RPUSD3: variants seen among roughly 807,000 people sequenced by gnomAD.
The protein encoded by RPUSD3 is mitochondrial mRNA pseudouridine synthase RPUSD3.
Under a neutral mutation model 35.1 loss-of-function variants are expected in RPUSD3, and 36 were observed. The observed-to-expected ratio is 1.02, with a 90% confidence interval of 0.79 to 1.35. The LOEUF is 1.35. RPUSD3 is among the 40% of genes most tolerant of loss of function. RPUSD3 has a pLI of 0.00. For missense variants in RPUSD3, 486 were observed against 441.9 expected, an observed-to-expected ratio of 1.10 and a Z score of -0.89; for synonymous variants, 202 against 187.8, an observed-to-expected ratio of 1.08 and a Z score of -0.62.
At chr3:9,839,425 G>A (rs1575428135) in intron 7 of RPUSD3, 3 of 383,788 alleles carry the variant, frequency 7.8e-6, no homozygotes, top group East Asian at 5.0e-5. Flanking sequence ...TGAAGCCACC[G>A]GGCCTAAGGA....
intron 8 of RPUSD3, among the ~76,000 whole-genome samples, 164 bp from the exon 9 acceptor site, chr3:9,838,371 C>T (rs1256626688): frequency 2.6e-5 from 4 of 152,200 alleles, no homozygotes; most frequent in Admixed American, 1.3e-4. Flanking sequence ...TTCACACAGG[C>T]ACTCACACTG....
Position 9,839,018 on chromosome 3 carries a change from G to T in RPUSD3, c.864+14C>A. 1 of 1,614,058 alleles carries T rather than the reference G, an allele frequency of 6.2e-7. No homozygotes were observed. The highest frequency in any genetic ancestry group is 8.5e-7 in the Non-Finnish European group (1 of 1,179,940). On this transcript the variant is annotated intron_variant, in intron 8 of 8. Transcript: ENST00000383820. ...CCACCCCTCAGAAAGCAGCAGGCAG[G>T]TGGGCTGGAGTACCTGTCTTTGGGG...
exon 8 of RPUSD3, chr3:9,839,113 G>T: frequency 6.2e-7 from 1 of 1,614,182 alleles, no homozygotes; most frequent in Non-Finnish European, 8.5e-7. Context: ...AGTACATGTG[G>T]TCCCCAAGCA....
chr3:9,837,921 T>G (rs1011807084), exon 9 of RPUSD3: 4 of 1,341,786 alleles, frequency 3.0e-6, no homozygotes, highest in Non-Finnish European at 4.0e-6. Context: ...AGCAAGCAAG[T>G]GGCCTGTCCA....
At chr3:9,843,482 G>A (rs1346157162) in exon 2 of RPUSD3, 1 of 1,613,970 alleles carries the variant, frequency 6.2e-7, no homozygotes, top group Non-Finnish European at 8.5e-7. Flanking sequence ...GTCCACCACG[G>A]CTGCCCGCAG....
chr3:9,837,884 G>T, exon 9 of RPUSD3: 1 of 921,464 alleles, frequency 1.1e-6, no homozygotes, highest in Non-Finnish European at 1.6e-6. Flanking sequence ...AGTCCAGAGA[G>T]GTAAAGTTAC....
At chr3:9,843,261 A>G (rs1186203362) in intron 2 of RPUSD3, 2 of 661,966 alleles carry the variant, frequency 3.0e-6, no homozygotes, top group South Asian at 3.9e-5. Context: ...AGTTATTTGC[A>G]TCTTCTCCCC....
At position 9,842,254 on chromosome 3, in the gene RPUSD3, C is replaced by A. The variant is rs765879511; in HGVS notation, c.263-11G>T. On this transcript the variant is annotated splice_polypyrimidine_tract_variant and intron_variant, in intron 2 of 8. Coordinates refer to ENST00000383820, the Ensembl canonical transcript of RPUSD3. ...ACGTCACTAGAGGTCCTGAAACATA[C>A]ATCACACGAACATCAGCAAAAGCAA... 8.1e-6 allele frequency: 13 copies of A among 1,614,120 alleles called. 1 individual carries two copies. In the South Asian group the frequency reaches 1.4e-4, roughly 18 times the overall value.
intron 4 of RPUSD3, chr3:9,841,083 T>TA (rs747436154): frequency 1.7e-4 from 42 of 242,616 alleles, no homozygotes; most frequent in Non-Finnish European, 3.1e-4. Flanking sequence ...ATTCTGTACA[T>TA]ATTAGCTCTT....
rs2082145338 is a variant in RPUSD3 at position 9,844,003 on chromosome 3, G to A, written c.12C>T (p.Val4=). The change falls in exon 1 of 9, where the codon GTC becomes GTT. Residue 4 remains valine (V), a synonymous_variant. Transcript: ENST00000383820. The stretch of plus-strand genomic sequence containing the variant: ...GGCGGCCGTCCATCTCCCGAGCCAG[G>A]ACAGCGCGCATGTGCGTCCAGAGGG... 12 of 1,588,226 alleles carry A rather than the reference G, an allele frequency of 7.6e-6. 2 individuals carry two copies. The highest frequency in any genetic ancestry group is 1.7e-4 in the Middle Eastern group (1 of 6,058).
chr3:9,843,944 C>A (rs765768711), exon 1 of RPUSD3: 1 of 1,602,254 alleles, frequency 6.2e-7, no homozygotes, highest in East Asian at 2.3e-5. Context: ...ACCCAGGCCC[C>A]GCCGCCAGCC....
At chr3:9,843,704 C>A in intron 1 of RPUSD3, 103 bp from the exon 2 acceptor site, 4 of 1,550,290 alleles carry the variant, frequency 2.6e-6, no homozygotes, top group Non-Finnish European at 3.5e-6. Flanking sequence ...CTGACAAATG[C>A]CTCACAATGT....
chr3:9,843,967 G>T, exon 1 of RPUSD3: 1 of 1,607,592 alleles, frequency 6.2e-7, no homozygotes, highest in South Asian at 1.1e-5. Flanking sequence ...TCCAGAACCG[G>T]CCCAAAACAC....
chr3:9,839,290 A>C, intron 7 of RPUSD3, 119 bp from the exon 8 acceptor site: 3 of 1,170,122 alleles, frequency 2.6e-6, no homozygotes, highest in Non-Finnish European at 3.6e-6. Flanking sequence ...CATATGTTTC[A>C]GTGAGGTCAG....
At chr3:9,839,256 GA>G in intron 7 of RPUSD3, 85 bp from the exon 8 acceptor site, 1 of 1,479,608 alleles carries the variant, frequency 6.8e-7, no homozygotes, top group South Asian at 1.3e-5. Flanking sequence ...TTCCTTTGGG[GA>G]AACACCACCC....
intron 2 of RPUSD3, 34 bp downstream of exon 2, chr3:9,843,431 C>T (rs772530208): frequency 1.9e-6 from 3 of 1,612,012 alleles, no homozygotes; most frequent in African/African-American, 1.3e-5. Context: ...AGTCCCCTCC[C>T]GGTCCTTGTG....
chr3:9,839,194 G>C, intron 7 of RPUSD3, 23 bp from the exon 8 acceptor site: 1 of 1,596,092 alleles, frequency 6.3e-7, no homozygotes, highest in South Asian at 1.1e-5. Flanking sequence ...AAAGCCAGGA[G>C]AGACAGTGGG....
Position 9,843,932 on chromosome 3 carries a change from A to T in RPUSD3, c.83T>A (p.Val28Asp), listed in dbSNP as rs775762534. 21 of 1,603,140 alleles carry T rather than the reference A, an allele frequency of 1.3e-5. No individual in the cohort carries two copies. Among genetic ancestry groups the T allele is most frequent in the Admixed American group, 1.7e-5 (1 of 58,714 alleles). ...GCCTGCGTCCTCGGGCACTGGGCGG[A>T]CACCCAGGCCCCGCCGCCAGCCACT... is the stretch of plus-strand genomic sequence containing the variant. Residue 28 changes from valine (V) to aspartate (D), a missense_variant, in exon 1 of 9, where the codon GTC (valine) becomes GAC (aspartate). Coordinates refer to ENST00000383820, the Ensembl canonical transcript of RPUSD3.
At chr3:9,838,936 G>A (rs2082062404) in intron 8 of RPUSD3, 96 bp downstream of exon 8, 1 of 1,564,244 alleles carries the variant, frequency 6.4e-7, no homozygotes, top group Non-Finnish European at 8.7e-7. Flanking sequence ...CTGCCTCCCA[G>A]TAGTCCCAAG....
Sources: gnomAD v4.1 joint callset for allele counts (sites outside exome capture counted in the v4.1 genomes callset) on GRCh38, gnomAD v4.1.1 for gene constraint, MANE v1.5 for transcripts, NCBI Gene and HGNC (gene_info 2026-07-23, HGNC 2026-07-21) for gene names.